The following ROBO2 variants were observed in gnomAD, a reference collection of about 807,000 sequenced individuals.
ROBO2 encodes the protein roundabout guidance receptor 2, also known as roundabout homolog 2.
ROBO2 carries 53 observed loss-of-function variants against 160.8 expected under a neutral mutation model. The ratio of observed to expected loss-of-function variants is 0.33; its 90% CI spans 0.26 to 0.41. The LOEUF is 0.41. Among genes scored for constraint, ROBO2 ranks in the 10% least tolerant of loss-of-function variants. The pLI is 1.00. For synonymous variants in ROBO2, 664 were observed against 611.7 expected, an observed-to-expected ratio of 1.09 and a Z score of -1.26; for missense variants, 1,577 against 1,722.4, an observed-to-expected ratio of 0.92 and a Z score of 1.49.
chr3:76,138,445 A>G (rs2071510571), intron 2 of ROBO2, among the ~76,000 whole-genome samples: 1 of 152,038 alleles, frequency 6.6e-6, no homozygotes, highest in Non-Finnish European at 1.5e-5. Context: ...CTTATAATAT[A>G]ATATGAAATG....
chr3:76,908,424 T>C (rs1020700326), intron 2 of ROBO2, among the ~76,000 whole-genome samples: 1 of 152,158 alleles, frequency 6.6e-6, no homozygotes, highest in African/African-American at 2.4e-5. Context: ...GACCCAGATA[T>C]ATCAGTCATT....
At chr3:76,385,109 C>G (rs2076820617) in intron 2 of ROBO2, among the ~76,000 whole-genome samples, 2 of 152,030 alleles carry the variant, frequency 1.3e-5, no homozygotes, top group Admixed American at 1.3e-4. Context: ...ATCCTTCCAC[C>G]TCAGTCCCCC....
At chr3:76,085,106 T>TACAC (rs2068963209) in intron 2 of ROBO2, among the ~76,000 whole-genome samples, 1 of 30,678 alleles carries the variant, frequency 3.3e-5, no homozygotes, top group East Asian at 3.3e-4. Flanking sequence ...AGTTTACATA[T>TACAC]ATATATATAT....
chr3:77,448,208 T>G (rs532310191), intron 2 of ROBO2, among the ~76,000 whole-genome samples: 1 of 152,230 alleles, frequency 6.6e-6, no homozygotes, highest in South Asian at 2.1e-4. Flanking sequence ...ATTCCACATT[T>G]GACTTCCAGG....
Position 76,226,532 on chromosome 3 carries a change from A to G in ROBO2, c.109+288930A>G, listed in dbSNP as rs184460327. Among the ~76,000 whole-genome samples the G allele has an allele frequency of 7.2e-5, 11 of 152,302 alleles. 1 individual carries two copies. Among genetic ancestry groups the G allele is most frequent in the African/African-American group, 2.4e-4 (10 of 41,578 alleles). On this transcript the variant is annotated intron_variant, in intron 2 of 26. Coordinates refer to the ROBO2 transcript ENST00000487694. ...CTACGTGTTCTCTAATGTTCCTTAAAATTGTAAGAATTCTATGCAAAGTTT... is the reference window on the plus strand; with the variant it reads ...CTACGTGTTCTCTAATGTTCCTTAAGATTGTAAGAATTCTATGCAAAGTTT...
At chr3:76,167,591 A>T (rs1405304192) in intron 2 of ROBO2, among the ~76,000 whole-genome samples, 1 of 152,216 alleles carries the variant, frequency 6.6e-6, no homozygotes, top group African/African-American at 2.4e-5. Context: ...CCTAAAAAAT[A>T]GAAACCTCAA....
At chr3:77,433,594 T>C (rs1387806128) in intron 2 of ROBO2, among the ~76,000 whole-genome samples, 1 of 150,570 alleles carries the variant, frequency 6.6e-6, no homozygotes, top group Non-Finnish European at 1.5e-5. Context: ...TCTTATTCTA[T>C]ATTTTCTCCC....
chr3:77,233,760 G>A (rs527350224), intron 2 of ROBO2, among the ~76,000 whole-genome samples: 3 of 152,082 alleles, frequency 2.0e-5, no homozygotes, highest in African/African-American at 7.2e-5. Flanking sequence ...AAGAAAATGT[G>A]AGCAATTAAT....
At chr3:77,239,761 A>G (rs113154209) in intron 2 of ROBO2, among the ~76,000 whole-genome samples, 36 of 152,174 alleles carry the variant, frequency 2.4e-4, no homozygotes, top group Middle Eastern at 6.8e-3. Flanking sequence ...TGGTGCGTTT[A>G]CAAACCTTGA....
At chr3:77,222,503 A>T (rs969026661) in intron 2 of ROBO2, among the ~76,000 whole-genome samples, 8 of 152,178 alleles carry the variant, frequency 5.3e-5, no homozygotes, top group African/African-American at 1.7e-4. Context: ...ATTTTTAAAT[A>T]TAGAGGAATG....
chr3:76,680,375 C>T lies in ROBO2; in HGVS notation c.110-417639C>T, dbSNP rs185288696. Among the ~76,000 whole-genome samples the T allele has an allele frequency of 2.8e-3, 404 of 143,578 alleles. 2 individuals carry two copies. Among genetic ancestry groups the T allele is most frequent in the African/African-American group, 0.01 (385 of 37,848 alleles). 94.2% of individuals were successfully genotyped at this position (143,578 alleles called of 152,430 possible). A position where few individuals can be genotyped will look rare whatever the true frequency, so the allele number is the denominator to read the frequency against. ...GGATATATTAAAAAAAAAAAAAAAA[C>T]GGCGAACAAAACCAGATTTAATATG... On this transcript the variant is annotated intron_variant, in intron 2 of 26. Coordinates refer to the ROBO2 transcript ENST00000487694.
At chr3:76,216,775 T>C (rs1035089880) in intron 2 of ROBO2, among the ~76,000 whole-genome samples, 5 of 151,906 alleles carry the variant, frequency 3.3e-5, no homozygotes, top group Non-Finnish European at 2.9e-5. Context: ...AACAAGGATA[T>C]CCAGGAATTG....
At chr3:77,613,047 A>T (rs1480639847) in intron 21 of ROBO2, among the ~76,000 whole-genome samples, 1 of 152,226 alleles carries the variant, frequency 6.6e-6, no homozygotes, top group African/African-American at 2.4e-5. Context: ...TTAATGCATT[A>T]AGCAATGTAT....
intron 2 of ROBO2, among the ~76,000 whole-genome samples, chr3:75,955,538 A>C (rs1490160487): frequency 1.3e-5 from 2 of 151,612 alleles, no homozygotes; most frequent in African/African-American, 4.8e-5. Flanking sequence ...AATGTAAATG[A>C]CGAGTTAATG....
chr3:76,027,219 C>T (rs1192711916), intron 2 of ROBO2, among the ~76,000 whole-genome samples: 3 of 151,944 alleles, frequency 2.0e-5, no homozygotes, highest in South Asian at 2.1e-4. Flanking sequence ...ATGGGAGCAT[C>T]GATTTATAGG....
chr3:75,957,348 C>T (rs1948758642), intron 2 of ROBO2, among the ~76,000 whole-genome samples: 1 of 151,182 alleles, frequency 6.6e-6, no homozygotes, highest in Admixed American at 6.6e-5. Context: ...ATTTATGAAA[C>T]TCATTTTGAG....
chr3:77,226,575 A>G (rs890936619), intron 2 of ROBO2, among the ~76,000 whole-genome samples: 9 of 152,056 alleles, frequency 5.9e-5, no homozygotes, highest in Admixed American at 4.6e-4. Flanking sequence ...TATCATCTCA[A>G]TTGACAAAGT....
intron 2 of ROBO2, among the ~76,000 whole-genome samples, chr3:77,124,931 C>T (rs1415029292): frequency 6.6e-6 from 1 of 151,586 alleles, no homozygotes. Flanking sequence ...CTCTTCCTTT[C>T]CTCTTTCTGT....
intron 2 of ROBO2, among the ~76,000 whole-genome samples, chr3:76,484,900 A>T (rs1254250642): frequency 6.6e-6 from 1 of 152,150 alleles, no homozygotes. Context: ...TTAACTAGGG[A>T]CATTTTTTCT....
Sources: gnomAD v4.1 joint callset for allele counts (sites outside exome capture counted in the v4.1 genomes callset) on GRCh38, gnomAD v4.1.1 for gene constraint, MANE v1.5 for transcripts, NCBI Gene and HGNC (gene_info 2026-07-23, HGNC 2026-07-21) for gene names.